The following RAB40C variants were observed in gnomAD, a reference collection of about 807,000 sequenced individuals.
The protein encoded by RAB40C is ras-related protein Rab-40C.
A neutral mutation model predicts 28.1 loss-of-function variants in RAB40C; 8 were observed. The ratio of observed to expected loss-of-function variants is 0.28; its 90% confidence interval spans 0.17 to 0.51. The LOEUF is 0.51. Among genes scored for constraint, RAB40C ranks in the 20% least tolerant of loss-of-function variants. The pLI is 0.97. For synonymous variants in RAB40C, 201 were observed against 171.7 expected (o/e 1.17, Z -1.34); for missense variants, 288 against 405.9 (o/e 0.71, Z 2.50).
In RAB40C at chr16:629,207, T is replaced by G. The variant is rs1019920752; in HGVS notation, c.*1585T>G. ...CACTACCCGCGCTGCTGTTAGACAC[T>G]CCGCCATTCCTGGTTCTCTCCGAAC... is the stretch of plus-strand genomic sequence containing the variant. On this transcript the variant is annotated 3_prime_UTR_variant, in exon 6 of 6. Transcript: ENST00000248139. 7.9e-6 allele frequency: 2 copies of G among 252,052 alleles called. No homozygotes were observed. The highest frequency in any genetic ancestry group is 4.4e-5 in the African/African-American group (2 of 45,416). The allele number at this position is 252,052 out of a possible 1,614,324, so 15.6% of individuals were successfully genotyped here.
intron 3 of RAB40C, chr16:624,678 C>T (rs1281071353): frequency 1.0e-6 from 1 of 985,460 alleles, no homozygotes; most frequent in African/African-American, 1.7e-5. Flanking sequence ...GGGTGGATCA[C>T]AGCTCATTGG....
intron 1 of RAB40C, among the ~76,000 whole-genome samples, chr16:595,876 C>T (rs796625937): frequency 4.6e-5 from 7 of 152,344 alleles, no homozygotes; most frequent in African/African-American, 1.7e-4. Context: ...GCTGGGATTA[C>T]AAGGGTGAGC....
intron 1 of RAB40C, among the ~76,000 whole-genome samples, chr16:605,429 C>T (rs899668688): frequency 1.3e-5 from 2 of 152,174 alleles, no homozygotes; most frequent in Non-Finnish European, 2.9e-5. Flanking sequence ...ACAGGCATGC[C>T]GGCCTGAGAA....
chr16:614,061 C>T (rs1195175627), intron 1 of RAB40C, among the ~76,000 whole-genome samples: 4 of 151,504 alleles, frequency 2.6e-5, no homozygotes, highest in Admixed American at 2.6e-4. Flanking sequence ...GAACTGCTAA[C>T]TCTGCCGTAT....
chr16:610,091 C>T lies in RAB40C; in HGVS notation c.143-7117C>T, dbSNP rs891664561. On this transcript the variant is annotated intron_variant, in intron 1 of 5. Coordinates refer to ENST00000248139, the MANE Select transcript of RAB40C (RefSeq NM_021168.5). This position sits in a 1 kb window ranked among gnomAD's most constrained non-coding sequence, Gnocchi z 4.6. ...CCTCATACCAGCCCAGCTGGGAGTC[C>T]GCTTGCTGAGACTTGGTCTCCTGTA... 6.6e-6 allele frequency among the ~76,000 whole-genome samples: 1 copy of T among 152,204 alleles called. No homozygotes were observed. Among genetic ancestry groups the T allele is most frequent in the African/African-American group, 2.4e-5 (1 of 41,446 alleles).
At chr16:595,532 C>T (rs1292378106) in intron 1 of RAB40C, among the ~76,000 whole-genome samples, 17 of 152,332 alleles carry the variant, frequency 1.1e-4, no homozygotes, top group African/African-American at 3.6e-4. Context: ...CCCGGGATGA[C>T]CCTGGCTGGC....
intron 1 of RAB40C, among the ~76,000 whole-genome samples, chr16:608,893 T>A (rs1281633536): frequency 6.6e-6 from 1 of 152,088 alleles, no homozygotes; most frequent in African/African-American, 2.4e-5. Context: ...GGTGGGCAGA[T>A]TGCTTGAGCT....
chr16:592,049 C>T (rs949864821), intron 1 of RAB40C, among the ~76,000 whole-genome samples: 1 of 152,186 alleles, frequency 6.6e-6, no homozygotes, highest in Non-Finnish European at 1.5e-5. Context: ...GGGGCCTGGA[C>T]CCAGCCGAAT....
chr16:624,166 C>T, intron 3 of RAB40C: 1 of 985,444 alleles, frequency 1.0e-6, no homozygotes, highest in Non-Finnish European at 1.2e-6. Context: ...TCCTCAGTTA[C>T]TTCTGAGTTG....
At chr16:624,935 T>C in intron 3 of RAB40C, 1 of 1,288,264 alleles carries the variant, frequency 7.8e-7, no homozygotes, top group Non-Finnish European at 1.0e-6. Flanking sequence ...TGGCAAAACC[T>C]GCTCTGCCTG....
At chr16:604,417 G>A (rs962730516) in intron 1 of RAB40C, among the ~76,000 whole-genome samples, 10 of 151,888 alleles carry the variant, frequency 6.6e-5, no homozygotes, top group African/African-American at 1.7e-4. Context: ...TAGAATACAC[G>A]AGTCCTTCTG....
chr16:595,340 G>T (rs2036090804), intron 1 of RAB40C, among the ~76,000 whole-genome samples: 1 of 152,222 alleles, frequency 6.6e-6, no homozygotes, highest in Admixed American at 6.5e-5. Flanking sequence ...CAGCTGTAGG[G>T]GTGGGCTTGG....
chr16:611,093 A>G (rs1271882602), intron 1 of RAB40C, among the ~76,000 whole-genome samples: 1 of 152,194 alleles, frequency 6.6e-6, no homozygotes, highest in Non-Finnish European at 1.5e-5. Flanking sequence ...AGCCTGCAGG[A>G]TGGGTGGGAC....
intron 1 of RAB40C, among the ~76,000 whole-genome samples, chr16:598,688 G>A (rs1380869583): frequency 6.6e-6 from 1 of 152,154 alleles, no homozygotes; most frequent in Non-Finnish European, 1.5e-5. Context: ...GCTGCAGTGA[G>A]TCTGACTGTT....
chr16:624,669 G>T, intron 3 of RAB40C: 1 of 985,464 alleles, frequency 1.0e-6, no homozygotes, highest in Non-Finnish European at 1.2e-6. Flanking sequence ...CTAGGAGTAG[G>T]GTGGATCACA....
chr16:591,927 C>T (rs186659798), intron 1 of RAB40C, among the ~76,000 whole-genome samples: 14 of 152,288 alleles, frequency 9.2e-5, no homozygotes, highest in Non-Finnish European at 1.9e-4. Flanking sequence ...AGTGGCATGG[C>T]TAAAATACAC....
intron 1 of RAB40C, among the ~76,000 whole-genome samples, chr16:606,576 G>T (rs1201588674): frequency 6.6e-6 from 1 of 152,246 alleles, no homozygotes; most frequent in African/African-American, 2.4e-5. Flanking sequence ...TTTGCTTTTT[G>T]CAGGCCCTAC....
chr16:602,165 A>G (rs1382835954), intron 1 of RAB40C, among the ~76,000 whole-genome samples: 1 of 152,088 alleles, frequency 6.6e-6, no homozygotes, highest in Non-Finnish European at 1.5e-5. Flanking sequence ...TGATTATTCA[A>G]TGAAGTGTAT....
chr16:607,817 T>C (rs1486843211), intron 1 of RAB40C, among the ~76,000 whole-genome samples: 1 of 151,830 alleles, frequency 6.6e-6, no homozygotes, highest in Non-Finnish European at 1.5e-5. Context: ...GAAAAGAAAG[T>C]CGCATCTGGT....
Sources: gnomAD v4.1 joint callset for allele counts (sites outside exome capture counted in the v4.1 genomes callset) on GRCh38, gnomAD v4.1.1 for gene constraint, Gnocchi (gnomAD v3.1) non-coding constraint, MANE v1.5 for transcripts, NCBI Gene and HGNC (gene_info 2026-07-23, HGNC 2026-07-21) for gene names.